Variants in DDHD1 observed in about 807,000 individuals in gnomAD.
DDHD1 encodes the protein phospholipase DDHD1.
DDHD1 carries 49 observed loss-of-function variants against 96.4 expected under a neutral mutation model. That is an observed-to-expected ratio of 0.51 (90% confidence interval 0.40 to 0.64). DDHD1 has a LOEUF of 0.64. Ranked by LOEUF, DDHD1 falls within the 30% of genes least tolerant of loss-of-function variation. DDHD1 has a pLI of 0.00. For missense variants in DDHD1, 1,106 were observed against 1,161.2 expected (o/e 0.95, Z 0.69); for synonymous variants, 442 against 446.5 (o/e 0.99, Z 0.13).
At position 53,152,993 on chromosome 14, in the gene DDHD1, C is replaced by A; in HGVS notation, c.106G>T (p.Gly36Cys). The A allele has an allele frequency of 6.5e-7, 1 of 1,549,240 alleles. No homozygotes were observed. The highest frequency in any genetic ancestry group is 8.7e-7 in the Non-Finnish European group (1 of 1,150,204). The stretch of plus-strand genomic sequence containing the variant: ...AGGTGCTCGAAGCAGCAGACGCCGC[C>A]GCCGAACGCTGGCCTCGCGTCTGAG... ...LGSDARPAFG[G>C]GVCCFEHLPG... The change falls in exon 1 of 13, where the codon GGC becomes TGC. Residue 36 changes from glycine to cysteine, a missense_variant. Physicochemically the swap from Gly to Cys is radical, Grantham distance 159. This residue lies in a region of DDHD1 where 456 missense variants were observed against 402.4 expected (regional missense o/e 1.13). Coordinates refer to ENST00000673822, the MANE Select transcript of DDHD1 (RefSeq NM_001160148.2).
chr14:53,058,678 C>T, intron 8 of DDHD1, 52 bp from the exon 9 acceptor site: 1 of 1,525,974 alleles, frequency 6.6e-7, no homozygotes, highest in Non-Finnish European at 8.8e-7. Flanking sequence ...TGTTATCTTT[C>T]AACAAAATTT....
chr14:53,103,331 A>G (rs1306216796), intron 2 of DDHD1: 1 of 375,110 alleles, frequency 2.7e-6, no homozygotes. Context: ...AATATTAATG[A>G]AACTTGTCTT....
At chr14:53,150,785 T>A (rs1026382299) in intron 1 of DDHD1, among the ~76,000 whole-genome samples, 8 of 152,220 alleles carry the variant, frequency 5.3e-5, no homozygotes, top group African/African-American at 1.9e-4. Context: ...TTCCCCATCT[T>A]TCTTAATGCC....
chr14:53,072,714 AAACAAAAAAAGCAAGTT>A lies in DDHD1; in HGVS notation c.1397-28_1397-12del. ...TGGAATCAACAGTGTCTACAAAAAC[AAACAAAAAAAGCAAGTT>A]AACTTATAGAAAGTCTCTGTTACAG... On this transcript the variant is annotated splice_polypyrimidine_tract_variant and intron_variant, in intron 5 of 12. Transcript: ENST00000673822. 6.3e-7 allele frequency: 1 copy of A among 1,577,704 alleles called. No individual in the cohort carries two copies. The highest frequency in any genetic ancestry group is 1.1e-5 in the South Asian group (1 of 87,480).
chr14:53,132,759 C>G (rs1256428715), intron 1 of DDHD1, among the ~76,000 whole-genome samples: 2 of 152,120 alleles, frequency 1.3e-5, no homozygotes, highest in Non-Finnish European at 2.9e-5. Flanking sequence ...CACTTTACTT[C>G]AAAAGGAAGC....
At position 53,041,526 on chromosome 14, in the gene DDHD1, T is replaced by G. The variant is rs770164626; in HGVS notation, c.*5242A>C. The G allele has an allele frequency of 6.6e-6, 1 of 152,230 alleles. No individual in the cohort carries two copies. Among genetic ancestry groups the G allele is most frequent in the East Asian group, 1.9e-4 (1 of 5,204 alleles). 9.4% of individuals were successfully genotyped at this position (152,230 alleles called of 1,614,324 possible). A position where few individuals can be genotyped will look rare whatever the true frequency, so the allele number is the denominator to read the frequency against. On this transcript the variant is annotated 3_prime_UTR_variant, in exon 13 of 13. Transcript: ENST00000673822. Reference sequence around the variant, plus strand: ...AGTTTTGGAGGTGACCTATTTGTCATGAATTGATAAAAGGCCCACATAAAC... The same window carrying G: ...AGTTTTGGAGGTGACCTATTTGTCAGGAATTGATAAAAGGCCCACATAAAC...
intron 4 of DDHD1, among the ~76,000 whole-genome samples, chr14:53,080,359 C>T (rs1361409378): frequency 6.6e-6 from 1 of 150,594 alleles, no homozygotes; most frequent in African/African-American, 2.4e-5. Flanking sequence ...AAACTCTCTC[C>T]AAAAAACAAA....
intron 1 of DDHD1, among the ~76,000 whole-genome samples, chr14:53,135,751 A>G (rs1382000536): frequency 2.0e-5 from 3 of 152,276 alleles, no homozygotes; most frequent in Non-Finnish European, 4.4e-5. Context: ...TTCTACTTCC[A>G]GCAATGACAG....
intron 1 of DDHD1, among the ~76,000 whole-genome samples, chr14:53,126,995 T>TA (rs1227570761): frequency 6.6e-6 from 1 of 152,036 alleles, no homozygotes; most frequent in African/African-American, 2.4e-5. Flanking sequence ...TAAAATTTTT[T>TA]AAAAAAGAAC....
intron 1 of DDHD1, among the ~76,000 whole-genome samples, chr14:53,143,998 G>A (rs566387386): frequency 6.6e-6 from 1 of 152,252 alleles, no homozygotes; most frequent in African/African-American, 2.4e-5. Flanking sequence ...CCATAAAAGG[G>A]AGAATCCTGC....
chr14:53,148,469 C>T (rs1296872721), intron 1 of DDHD1, among the ~76,000 whole-genome samples: 4 of 152,100 alleles, frequency 2.6e-5, no homozygotes, highest in Non-Finnish European at 5.9e-5. Context: ...CTCGCCACCA[C>T]GCCTGGCTAA....
intron 1 of DDHD1, among the ~76,000 whole-genome samples, chr14:53,110,748 G>T (rs922625355): frequency 6.6e-6 from 1 of 152,046 alleles, no homozygotes; most frequent in African/African-American, 2.4e-5. Flanking sequence ...CGCTGAGGTG[G>T]GCGGATCATC....
chr14:53,120,163 GC>G (rs1888874585), intron 1 of DDHD1, among the ~76,000 whole-genome samples: 1 of 152,084 alleles, frequency 6.6e-6, no homozygotes, highest in South Asian at 2.1e-4. Context: ...TAATAGACAA[GC>G]AGAGAGCCAA....
rs1006464568 is a variant in DDHD1, at chr14:53,037,917, T to TG, written c.*8850dup. On this transcript the variant is annotated 3_prime_UTR_variant, in exon 13 of 13. Transcript: ENST00000673822. ...GTTAATTTTCATATACGGTGAAAGG[T>TG]GGGGGGTCCAGTTTCATTCTTCTGC... 2 of 152,012 alleles carry TG rather than the reference T, an allele frequency of 1.3e-5. No homozygotes were observed. The highest frequency in any genetic ancestry group is 4.8e-5 in the African/African-American group (2 of 41,414). 9.4% of individuals were successfully genotyped at this position (152,012 alleles called of 1,614,324 possible).
In DDHD1 at chr14:53,045,637, G is replaced by C. The variant is rs1234715214; in HGVS notation, c.*1131C>G. On this transcript the variant is annotated 3_prime_UTR_variant, in exon 13 of 13. Coordinates refer to ENST00000673822, the MANE Select transcript of DDHD1 (RefSeq NM_001160148.2). ...AACAAGATTTATTTACTTACCTCAA[G>C]AAGCTAGTACATGGGTTATTGAATG... 6.6e-6 allele frequency: 1 copy of C among 152,184 alleles called. No individual in the cohort carries two copies. The highest frequency in any genetic ancestry group is 2.4e-5 in the African/African-American group (1 of 41,450). The allele number at this position is 152,184 out of a possible 1,614,324, so 9.4% of individuals were successfully genotyped here. A position where few individuals can be genotyped will look rare whatever the true frequency, so the allele number is the denominator to read the frequency against.
At chr14:53,061,886 G>C (rs1259502713) in intron 7 of DDHD1, among the ~76,000 whole-genome samples, 4 of 151,724 alleles carry the variant, frequency 2.6e-5, no homozygotes, top group African/African-American at 4.8e-5. Context: ...ATACAAAAAT[G>C]AGCCGGGCGT....
intron 1 of DDHD1, among the ~76,000 whole-genome samples, chr14:53,119,961 G>C (rs1044142366): frequency 2.0e-5 from 3 of 152,118 alleles, no homozygotes; most frequent in African/African-American, 7.2e-5. Flanking sequence ...AGGGCAATCA[G>C]ACAAGAGAAA....
intron 6 of DDHD1, among the ~76,000 whole-genome samples, chr14:53,068,329 G>A (rs145923399): frequency 2.8e-5 from 4 of 144,912 alleles, no homozygotes; most frequent in Non-Finnish European, 4.5e-5. Context: ...CTGCAGCCTC[G>A]ACCTCCCAGG....
intron 8 of DDHD1, 144 bp downstream of exon 8, chr14:53,060,982 C>G (rs956152974): frequency 8.3e-6 from 6 of 722,048 alleles, no homozygotes; most frequent in Admixed American, 3.1e-5. Context: ...CCAGAAATGG[C>G]AGTGTCCAAC....
Sources: gnomAD v4.1 joint callset for allele counts (sites outside exome capture counted in the v4.1 genomes callset) on GRCh38, gnomAD v4.1.1 for gene constraint, gnomAD v4.1.1 regional missense constraint, MANE v1.5 for transcripts, NCBI Gene and HGNC (gene_info 2026-07-23, HGNC 2026-07-21) for gene names.